The following ENOX1 variants were observed in gnomAD, a reference collection of about 807,000 sequenced individuals.
ENOX1 encodes the protein ecto-NOX disulfide-thiol exchanger 1.
Under a neutral mutation model 82.5 loss-of-function variants are expected in ENOX1, and 42 were observed. That is an observed-to-expected ratio of 0.51 (90% confidence interval 0.40 to 0.66). The LOEUF is 0.66. Ranked by LOEUF, ENOX1 falls within the 30% of genes least tolerant of loss-of-function variation. The pLI, the probability that ENOX1 is intolerant of heterozygous loss-of-function variation, is 0.00. For synonymous variants in ENOX1, 271 were observed against 282.2 expected, an observed-to-expected ratio of 0.96 and a Z score of 0.40; for missense variants, 608 against 811.6, an observed-to-expected ratio of 0.75 and a Z score of 3.05.
intron 13 of ENOX1, among the ~76,000 whole-genome samples, chr13:43,268,771 A>G (rs2044523716): frequency 6.6e-6 from 1 of 152,186 alleles, no homozygotes; most frequent in African/African-American, 2.4e-5. Context: ...TCAAATTACC[A>G]TTCATACATT....
chr13:43,703,762 A>G (rs2087061292), intron 1 of ENOX1, among the ~76,000 whole-genome samples: 3 of 152,124 alleles, frequency 2.0e-5, no homozygotes, highest in African/African-American at 7.2e-5. Context: ...TACTAAAAAT[A>G]CCCTATGCTT....
intron 10 of ENOX1, among the ~76,000 whole-genome samples, chr13:43,322,814 A>G (rs770391033): frequency 2.2e-4 from 33 of 152,226 alleles, no homozygotes; most frequent in Admixed American, 5.9e-4. Context: ...CAAAGATTAC[A>G]TAGAAATACC....
rs116230593 is a variant in ENOX1, at chr13:43,755,060, A to C, written c.-285+31592T>G. On this transcript the variant is annotated intron_variant, in intron 1 of 16. Transcript: ENST00000690772. ...GTTTCTCCATCCTTCAATTCACCAG[A>C]ATTCTATCTGCTCAGGAGATTAAAA... Among the ~76,000 whole-genome samples the C allele has an allele frequency of 1.9e-3, 280 of 145,442 alleles. 1 individual carries two copies. The highest frequency in any genetic ancestry group is 6.6e-3 in the African/African-American group (262 of 39,786).
intron 5 of ENOX1, among the ~76,000 whole-genome samples, chr13:43,392,608 T>A (rs1374700879): frequency 6.6e-6 from 1 of 152,128 alleles, no homozygotes; most frequent in African/African-American, 2.4e-5. Context: ...GGCAGGAGAA[T>A]CATTTGAACC....
At chr13:43,501,116 C>T (rs560398163) in intron 2 of ENOX1, among the ~76,000 whole-genome samples, 1 of 151,128 alleles carries the variant, frequency 6.6e-6, no homozygotes, top group South Asian at 2.1e-4. Context: ...GTGTTGTCTA[C>T]AAGAGAAGAA....
chr13:43,394,118 T>C (rs1257795991), intron 5 of ENOX1, among the ~76,000 whole-genome samples: 1 of 152,212 alleles, frequency 6.6e-6, no homozygotes, highest in Non-Finnish European at 1.5e-5. Flanking sequence ...CAAATGAACA[T>C]CTTTTCTTTA....
At chr13:43,601,739 GA>G (rs1256550935) in intron 2 of ENOX1, among the ~76,000 whole-genome samples, 1 of 152,076 alleles carries the variant, frequency 6.6e-6, no homozygotes, top group African/African-American at 2.4e-5. Flanking sequence ...AAGATAAGGT[GA>G]CCAAGACATT....
intron 12 of ENOX1, among the ~76,000 whole-genome samples, chr13:43,290,572 G>T (rs568783498): frequency 2.6e-4 from 40 of 152,270 alleles, no homozygotes; most frequent in African/African-American, 8.9e-4. Flanking sequence ...ACATAAATAT[G>T]GGAGCGACAG....
chr13:43,402,049 T>A (rs1255283127), intron 5 of ENOX1, among the ~76,000 whole-genome samples: 1 of 151,896 alleles, frequency 6.6e-6, no homozygotes, highest in Non-Finnish European at 1.5e-5. Context: ...ATAAGACCTA[T>A]CATAAAGATA....
At chr13:43,347,289 A>C (rs1483257907) in intron 8 of ENOX1, among the ~76,000 whole-genome samples, 2 of 152,228 alleles carry the variant, frequency 1.3e-5, no homozygotes, top group Non-Finnish European at 2.9e-5. Context: ...ACACAATTTC[A>C]AAAGTAAGTA....
intron 2 of ENOX1, among the ~76,000 whole-genome samples, chr13:43,518,882 A>G (rs2077656329): frequency 6.6e-6 from 1 of 152,192 alleles, no homozygotes; most frequent in South Asian, 2.1e-4. Flanking sequence ...TCCACATGGA[A>G]GAATTTAAAA....
intron 12 of ENOX1, among the ~76,000 whole-genome samples, chr13:43,274,806 A>G (rs1359539158): frequency 1.3e-5 from 2 of 152,230 alleles, no homozygotes; most frequent in Non-Finnish European, 2.9e-5. Context: ...ACACATCTTG[A>G]TATTTCCAGG....
intron 1 of ENOX1, among the ~76,000 whole-genome samples, chr13:43,726,362 G>A (rs1016133972): frequency 2.0e-5 from 3 of 151,652 alleles, no homozygotes; most frequent in African/African-American, 2.4e-5. Flanking sequence ...TATTATAGGC[G>A]TGCATCACTA....
chr13:43,405,003 T>C (rs1489630323), intron 5 of ENOX1, among the ~76,000 whole-genome samples: 4 of 152,244 alleles, frequency 2.6e-5, no homozygotes, highest in Admixed American at 6.5e-5. Flanking sequence ...CCCTTCATCA[T>C]GGCTGTGTCA....
chr13:43,262,956 C>T (rs567261776), intron 14 of ENOX1, among the ~76,000 whole-genome samples: 4 of 152,272 alleles, frequency 2.6e-5, no homozygotes, highest in East Asian at 1.9e-4. Flanking sequence ...CCCTCTCAGT[C>T]GGGTCTGAAG....
chr13:43,785,863 G>C (rs920655177), intron 1 of ENOX1, among the ~76,000 whole-genome samples: 2 of 152,106 alleles, frequency 1.3e-5, no homozygotes, highest in Non-Finnish European at 2.9e-5. Context: ...GGGAGGACGT[G>C]GGGTGGTCTG....
Position 43,688,866 on chromosome 13 carries a change from T to C in ENOX1, c.-284-21322A>G, listed in dbSNP as rs79225764. ...ATGTGTCTAATAAGCAGTTAGACAG[T>C]TGGATCTCAGTTTCAGGAAAAAAGA... On this transcript the variant is annotated intron_variant, in intron 1 of 16. Coordinates refer to ENST00000690772, the MANE Select transcript of ENOX1 (RefSeq NM_001347969.2). Among the ~76,000 whole-genome samples, 12 of 152,304 alleles carry C rather than the reference T, an allele frequency of 7.9e-5. No individual in the cohort carries two copies. The East Asian group carries it at 2.1e-3, about 27-fold the overall frequency.
At chr13:43,376,673 G>T (rs2051657945) in intron 5 of ENOX1, among the ~76,000 whole-genome samples, 1 of 152,208 alleles carries the variant, frequency 6.6e-6, no homozygotes, top group Non-Finnish European at 1.5e-5. Flanking sequence ...AGTCATACAT[G>T]TAAGAGGTAA....
chr13:43,773,061 G>A (rs1032747100), intron 1 of ENOX1, among the ~76,000 whole-genome samples: 6 of 152,078 alleles, frequency 3.9e-5, no homozygotes, highest in Non-Finnish European at 8.8e-5. Flanking sequence ...CACTATTCTT[G>A]TCCCTTGTCC....
Sources: gnomAD v4.1 joint callset for allele counts (sites outside exome capture counted in the v4.1 genomes callset) on GRCh38, gnomAD v4.1.1 for gene constraint, MANE v1.5 for transcripts, NCBI Gene and HGNC (gene_info 2026-07-23, HGNC 2026-07-21) for gene names.